Variants in PEDS1 observed in about 807,000 individuals in gnomAD.
PEDS1 encodes the protein CarF homolog.
PEDS1 carries 14 observed loss-of-function variants against 35.2 expected under a neutral mutation model. That is an observed-to-expected ratio of 0.40 (90% CI 0.26 to 0.62). The LOEUF is 0.62. Ranked by LOEUF, PEDS1 falls within the 20% of genes least tolerant of loss-of-function variation. The pLI is 0.44. For missense variants in PEDS1, 260 were observed against 367.8 expected (o/e 0.71, Z 2.40); for synonymous variants, 152 against 152.0 (o/e 1.00, Z 0.00).
chr20:50,137,564 C>G (rs1207308017), intron 2 of PEDS1, among the ~76,000 whole-genome samples: 1 of 152,164 alleles, frequency 6.6e-6, no homozygotes, highest in African/African-American at 2.4e-5. Context: ...ACACACCTGA[C>G]TAGCACTCCT....
Position 50,124,273 on chromosome 20 carries a change from T to C in PEDS1, c.*785A>G, listed in dbSNP as rs1323623296. 1 of 152,612 alleles carries C rather than the reference T, an allele frequency of 6.6e-6. No homozygotes were observed. The highest frequency in any genetic ancestry group is 6.5e-5 in the Admixed American group (1 of 15,278). 9.5% of individuals were successfully genotyped at this position (152,612 alleles called of 1,614,324 possible). A position where few individuals can be genotyped will look rare whatever the true frequency, so the allele number is the denominator to read the frequency against. On this transcript the variant is annotated 3_prime_UTR_variant, in exon 6 of 6. Transcript: ENST00000371652. ...GAAAAGATATTAAGGCTTTCTATTA[T>C]TTACATTAAACAAGCAAGCACCTTT...
At chr20:50,132,363 TC>T (rs1337305163) in intron 2 of PEDS1, among the ~76,000 whole-genome samples, 1 of 152,168 alleles carries the variant, frequency 6.6e-6, no homozygotes, top group Non-Finnish European at 1.5e-5. Flanking sequence ...AACTGAGGCT[TC>T]CACCCCTGCT....
chr20:50,147,731 C>T (rs897543382), intron 1 of PEDS1, among the ~76,000 whole-genome samples: 1 of 152,152 alleles, frequency 6.6e-6, no homozygotes, highest in African/African-American at 2.4e-5. Flanking sequence ...CTTCTGCAGA[C>T]CAAATACCTT....
At position 50,120,100 on chromosome 20, in the gene PEDS1, TAA is replaced by T. The variant is rs3092037; in HGVS notation, c.*4956_*4957del. Reference sequence around the variant, plus strand: ...GGGCAACATAGCGAGACCCCATCTCTAAAAAAAAAAAAAAATTAGCTGGATGT... The same window carrying T: ...GGGCAACATAGCGAGACCCCATCTCTAAAAAAAAAAAAATTAGCTGGATGT... On this transcript the variant is annotated 3_prime_UTR_variant, in exon 6 of 6. Coordinates refer to ENST00000371652, the MANE Select transcript of PEDS1 (RefSeq NM_199129.4). 409 of 144,890 alleles carry T rather than the reference TAA, an allele frequency of 2.8e-3. No individual in the cohort carries two copies. The highest frequency in any genetic ancestry group is 3.0e-3 in the East Asian group (15 of 4,972). The allele number at this position is 144,890 out of a possible 1,614,324, so 9.0% of individuals were successfully genotyped here.
chr20:50,131,058 C>CT, intron 2 of PEDS1, 111 bp from the exon 3 acceptor site: 1 of 1,580,088 alleles, frequency 6.3e-7, no homozygotes, highest in Non-Finnish European at 8.6e-7. Context: ...GAAGGTGTCC[C>CT]TTCTTCTCTA....
intron 1 of PEDS1, among the ~76,000 whole-genome samples, chr20:50,147,878 G>A (rs1184643605): frequency 8.4e-6 from 1 of 119,436 alleles, no homozygotes; most frequent in Non-Finnish European, 1.7e-5. Context: ...CATGAACATG[G>A]TGAAACCCCG....
At position 50,128,274 on chromosome 20, in the gene PEDS1, G is replaced by A. The variant is rs1486294067; in HGVS notation, c.479-87C>T. The A allele has an allele frequency of 2.0e-6, 3 of 1,523,526 alleles. No individual in the cohort carries two copies. The highest frequency in any genetic ancestry group is 2.7e-6 in the Non-Finnish European group (3 of 1,126,114). 94.4% of individuals were successfully genotyped at this position (1,523,526 alleles called of 1,614,324 possible). A position where few individuals can be genotyped will look rare whatever the true frequency, so the allele number is the denominator to read the frequency against. On this transcript the variant is annotated intron_variant, in intron 4 of 5. Transcript: ENST00000371652. The surrounding 1 kb of genome is among the most constrained non-coding windows in gnomAD (Gnocchi z 5.2). ...AATGGCCCTCACCACCTGCTCCTGG[G>A]CGGCTCCTGAGCTGGGCAAGCACCC...
In PEDS1 at chr20:50,153,607, G is replaced by C; in HGVS notation, c.31C>G (p.Gln11Glu). The C allele has an allele frequency of 7.2e-7, 1 of 1,389,842 alleles. No individual in the cohort carries two copies. The highest frequency in any genetic ancestry group is 9.4e-7 in the Non-Finnish European group (1 of 1,063,302). 86.1% of individuals were successfully genotyped at this position (1,389,842 alleles called of 1,614,324 possible). A position where few individuals can be genotyped will look rare whatever the true frequency, so the allele number is the denominator to read the frequency against. MAGAENWPGQ[Q>E]LELDEDEASC... ...GCCTCGTCCTCGTCCAGCTCCAGCT[G>C]CTGGCCCGGCCAGTTCTCGGCGCCC... The change falls in exon 1 of 6, where the codon CAG becomes GAG. Residue 11 changes from glutamine to glutamate, a missense_variant. Coordinates refer to ENST00000371652, the MANE Select transcript of PEDS1 (RefSeq NM_199129.4).
chr20:50,135,438 C>A (rs933773167), intron 2 of PEDS1, among the ~76,000 whole-genome samples: 1 of 151,984 alleles, frequency 6.6e-6, no homozygotes, highest in Admixed American at 6.6e-5. Flanking sequence ...GCAAGCGGAT[C>A]GCCTGAGGTC....
Position 50,128,651 on chromosome 20 carries a change from G to A in PEDS1, c.479-464C>T, listed in dbSNP as rs554212205. Among the ~76,000 whole-genome samples the A allele has an allele frequency of 6.6e-6, 1 of 152,316 alleles. No homozygotes were observed. The highest frequency in any genetic ancestry group is 1.9e-4 in the East Asian group (1 of 5,180). On this transcript the variant is annotated intron_variant, in intron 4 of 5. Coordinates refer to ENST00000371652, the MANE Select transcript of PEDS1 (RefSeq NM_199129.4). This position sits in a 1 kb window ranked among gnomAD's most constrained non-coding sequence, Gnocchi z 5.2. ...TCTTCAGGAAAAAACCTCGAAGGGAGGGAGGGAAGCAAGACACGGCAGGGG... is the reference window on the plus strand; with the variant it reads ...TCTTCAGGAAAAAACCTCGAAGGGAAGGAGGGAAGCAAGACACGGCAGGGG...
Position 50,128,286 on chromosome 20 carries a change from C to T in PEDS1, c.479-99G>A. 1 of 1,438,980 alleles carries T rather than the reference C, an allele frequency of 6.9e-7. No homozygotes were observed. Among genetic ancestry groups the T allele is most frequent in the Non-Finnish European group, 9.4e-7 (1 of 1,059,736 alleles). 89.1% of individuals were successfully genotyped at this position (1,438,980 alleles called of 1,614,324 possible). A position where few individuals can be genotyped will look rare whatever the true frequency, so the allele number is the denominator to read the frequency against. ...CACCTGCTCCTGGGCGGCTCCTGAGCTGGGCAAGCACCCAGGATTCTCTTC... is the reference window on the plus strand; with the variant it reads ...CACCTGCTCCTGGGCGGCTCCTGAGTTGGGCAAGCACCCAGGATTCTCTTC... On this transcript the variant is annotated intron_variant, in intron 4 of 5. Transcript: ENST00000371652. This position sits in a 1 kb window ranked among gnomAD's most constrained non-coding sequence, Gnocchi z 5.2.
At chr20:50,148,580 C>CT (rs1414630953) in intron 1 of PEDS1, among the ~76,000 whole-genome samples, 1 of 152,168 alleles carries the variant, frequency 6.6e-6, no homozygotes, top group East Asian at 1.9e-4. Flanking sequence ...GGGGTCATGC[C>CT]TTTGTCATCC....
intron 1 of PEDS1, 125 bp from the exon 2 acceptor site, chr20:50,143,746 G>A: frequency 7.0e-7 from 1 of 1,432,632 alleles, no homozygotes. Flanking sequence ...CACCCAGGCT[G>A]GAGTGCAGTG....
chr20:50,137,509 C>T (rs953316641), intron 2 of PEDS1, among the ~76,000 whole-genome samples: 2 of 152,168 alleles, frequency 1.3e-5, no homozygotes, highest in African/African-American at 4.8e-5. Context: ...CCAGTCTAAT[C>T]ATGAGAAAAA....
chr20:50,143,800 C>G, intron 1 of PEDS1, among the ~76,000 whole-genome samples, 179 bp from the exon 2 acceptor site: 1 of 151,902 alleles, frequency 6.6e-6, no homozygotes, highest in Non-Finnish European at 1.5e-5. Context: ...CAGGTTCAAT[C>G]GATTCTCCTG....
chr20:50,152,560 T>G (rs1048308250), intron 1 of PEDS1, among the ~76,000 whole-genome samples: 2 of 146,124 alleles, frequency 1.4e-5, no homozygotes, highest in Non-Finnish European at 2.9e-5. Flanking sequence ...AAAGTGGGTG[T>G]AGGGGGGGTG....
chr20:50,125,484 GC>G (rs1257178178), intron 5 of PEDS1, among the ~76,000 whole-genome samples: 1 of 152,140 alleles, frequency 6.6e-6, no homozygotes, highest in Non-Finnish European at 1.5e-5. Flanking sequence ...TGCTACCTCT[GC>G]CAGGAAGCCT....
At position 50,153,697 on chromosome 20, in the gene PEDS1, A is replaced by C. The variant is rs546065371; in HGVS notation, c.-60T>G. 9 of 1,179,104 alleles carry C rather than the reference A, an allele frequency of 7.6e-6. No homozygotes were observed. Among genetic ancestry groups the C allele is most frequent in the Middle Eastern group, 3.4e-4 (1 of 2,940 alleles). 73.0% of individuals were successfully genotyped at this position (1,179,104 alleles called of 1,614,324 possible). The stretch of plus-strand genomic sequence containing the variant: ...GGCGGCGGCGGCGGCAGGGCCGCGG[A>C]ACCGCGGCGAGATCACGCCGCCCAA... On this transcript the variant is annotated 5_prime_UTR_variant, in exon 1 of 6. Transcript: ENST00000371652.
At chr20:50,136,591 T>C (rs1178966773) in intron 2 of PEDS1, among the ~76,000 whole-genome samples, 1 of 151,936 alleles carries the variant, frequency 6.6e-6, no homozygotes, top group Non-Finnish European at 1.5e-5. Flanking sequence ...ACCATGGTGG[T>C]GTAGGCCTGT....
Sources: allele counts gnomAD v4.1 joint callset (sites outside exome capture counted in the v4.1 genomes callset), GRCh38; gene constraint gnomAD v4.1.1; non-coding constraint Gnocchi (gnomAD v3.1); transcripts MANE v1.5; gene names NCBI Gene and HGNC (gene_info 2026-07-23, HGNC 2026-07-21).